ARHGAP10: variants seen among roughly 807,000 people sequenced by gnomAD.
The protein encoded by ARHGAP10 is rho GTPase-activating protein 10.
ARHGAP10 carries 87 observed loss-of-function variants against 108.6 expected under a neutral mutation model. The observed-to-expected ratio is 0.80, with a 90% CI of 0.67 to 0.96. The LOEUF (loss-of-function observed/expected upper bound fraction) is 0.96. ARHGAP10 is among the 40% of genes least tolerant of loss of function. ARHGAP10 has a pLI of 0.00. For synonymous variants in ARHGAP10, 347 were observed against 341.1 expected (o/e 1.02, Z -0.19); for missense variants, 939 against 954.5 (o/e 0.98, Z 0.21).
intron 1 of ARHGAP10, among the ~76,000 whole-genome samples, chr4:147,819,725 C>T (rs1339786245): frequency 6.6e-6 from 1 of 151,752 alleles, no homozygotes; most frequent in Non-Finnish European, 1.5e-5. Context: ...CGCCTGGCTA[C>T]TTTTTGTATT....
chr4:147,996,703 C>T (rs1740491234), intron 18 of ARHGAP10, among the ~76,000 whole-genome samples: 1 of 152,188 alleles, frequency 6.6e-6, no homozygotes, highest in Non-Finnish European at 1.5e-5. Context: ...TCCCAAAATT[C>T]ATATGTTGAA....
chr4:147,834,522 A>G (rs1014924319), intron 3 of ARHGAP10, among the ~76,000 whole-genome samples: 110 of 152,230 alleles, frequency 7.2e-4, no homozygotes, highest in African/African-American at 2.6e-3. Flanking sequence ...GGATGAATCC[A>G]TTCATCTTTT....
At chr4:147,762,526 T>TTA (rs1729633042) in intron 1 of ARHGAP10, among the ~76,000 whole-genome samples, 4 of 108,946 alleles carry the variant, frequency 3.7e-5, no homozygotes, top group African/African-American at 1.3e-4. Flanking sequence ...TTATTTTTAT[T>TTA]TATTTATTTA....
At chr4:147,763,397 C>T (rs369399650) in intron 1 of ARHGAP10, among the ~76,000 whole-genome samples, 9 of 151,540 alleles carry the variant, frequency 5.9e-5, no homozygotes, top group Admixed American at 1.3e-4. Context: ...CTGCAACCTC[C>T]GCCTCCTGGG....
chr4:147,736,120 C>CTGTCTGTGTGTGTG (rs1553944269), intron 1 of ARHGAP10, among the ~76,000 whole-genome samples: 6 of 144,634 alleles, frequency 4.1e-5, no homozygotes, highest in African/African-American at 1.5e-4. Flanking sequence ...AATTGTCTAG[C>CTGTCTGTGTGTGTG]TGTGTGTGTG....
intron 3 of ARHGAP10, among the ~76,000 whole-genome samples, chr4:147,844,152 A>G (rs1733536763): frequency 6.6e-6 from 1 of 152,126 alleles, no homozygotes; most frequent in South Asian, 2.1e-4. Flanking sequence ...TCCCTGTTGC[A>G]GTAAATAGTG....
intron 16 of ARHGAP10, among the ~76,000 whole-genome samples, chr4:147,957,669 T>A (rs189293574): frequency 4.9e-4 from 75 of 152,226 alleles, no homozygotes; most frequent in Non-Finnish European, 9.7e-4. Context: ...TCTGTGGTGA[T>A]GAGATAGTTT....
chr4:147,770,120 A>G (rs1213233067), intron 1 of ARHGAP10, among the ~76,000 whole-genome samples: 1 of 152,342 alleles, frequency 6.6e-6, no homozygotes, highest in African/African-American at 2.4e-5. Context: ...GACTTAGACC[A>G]GGTGACACAT....
chr4:147,908,229 A>G (rs977754002), intron 11 of ARHGAP10, among the ~76,000 whole-genome samples: 7 of 152,218 alleles, frequency 4.6e-5, no homozygotes, highest in Non-Finnish European at 7.3e-5. Flanking sequence ...CTGAGACTCC[A>G]AAACAGGTTA....
chr4:147,834,690 T>C (rs1303785924), intron 3 of ARHGAP10, among the ~76,000 whole-genome samples: 2 of 150,336 alleles, frequency 1.3e-5, no homozygotes, highest in Admixed American at 1.3e-4. Context: ...CCACCCACAC[T>C]CACACCCACA....
chr4:147,934,756 C>T (rs1275421603), intron 13 of ARHGAP10, among the ~76,000 whole-genome samples: 7 of 152,152 alleles, frequency 4.6e-5, no homozygotes, highest in East Asian at 3.9e-4. Context: ...ATGGCTTGAT[C>T]CAAGGAGGTC....
intron 7 of ARHGAP10, among the ~76,000 whole-genome samples, chr4:147,868,728 G>A (rs1734673413): frequency 6.6e-6 from 1 of 152,148 alleles, no homozygotes. Flanking sequence ...TTCCACCTCA[G>A]GTCATCAGGC....
chr4:147,907,570 G>C (rs1331526082), intron 11 of ARHGAP10, among the ~76,000 whole-genome samples: 1 of 152,214 alleles, frequency 6.6e-6, no homozygotes, highest in Non-Finnish European at 1.5e-5. Context: ...TTTCAGAATA[G>C]AGCTTATGAA....
intron 13 of ARHGAP10, among the ~76,000 whole-genome samples, chr4:147,919,567 ATTT>A (rs67509221): frequency 4.0e-5 from 6 of 150,106 alleles, no homozygotes; most frequent in African/African-American, 1.5e-4. Context: ...TTTAAAAACA[ATTT>A]TTTTTTCTTT....
At chr4:147,816,834 C>T (rs904520549) in intron 1 of ARHGAP10, among the ~76,000 whole-genome samples, 3 of 152,078 alleles carry the variant, frequency 2.0e-5, no homozygotes, top group Admixed American at 1.3e-4. Context: ...ATTTCACTTC[C>T]AAGTTACTTG....
intron 1 of ARHGAP10, among the ~76,000 whole-genome samples, chr4:147,762,783 G>A (rs1362044826): frequency 6.6e-6 from 1 of 151,948 alleles, no homozygotes; most frequent in African/African-American, 2.4e-5. Flanking sequence ...ACCTGCCTCA[G>A]CCTCCCAAAG....
intron 1 of ARHGAP10, among the ~76,000 whole-genome samples, chr4:147,812,627 A>T (rs568792756): frequency 5.9e-5 from 9 of 152,252 alleles, no homozygotes; most frequent in Non-Finnish European, 1.0e-4. Context: ...ATATTTCAAC[A>T]TAGTCAAGAT....
rs542711322 is a variant in ARHGAP10, at chr4:147,741,295, A to G, written c.154+8840A>G. On this transcript the variant is annotated intron_variant, in intron 1 of 22. Coordinates refer to ENST00000336498, the MANE Select transcript of ARHGAP10 (RefSeq NM_024605.4). ...AGTAATTAATAAATCCATGAATCTT[A>G]AAGACATTTAACCCATTTTCTTTTT... Among the ~76,000 whole-genome samples, 36 of 152,366 alleles carry G rather than the reference A, an allele frequency of 2.4e-4. No individual in the cohort carries two copies. In the South Asian group the frequency reaches 2.5e-3, roughly 11 times the overall value.
chr4:148,001,283 T>C (rs1740708696), intron 18 of ARHGAP10, among the ~76,000 whole-genome samples: 1 of 152,234 alleles, frequency 6.6e-6, no homozygotes, highest in Non-Finnish European at 1.5e-5. Flanking sequence ...ATCTCTGTTT[T>C]GGTACCAGTA....
Sources: gnomAD v4.1 joint callset for allele counts (sites outside exome capture counted in the v4.1 genomes callset) on GRCh38, gnomAD v4.1.1 for gene constraint, MANE v1.5 for transcripts, NCBI Gene and HGNC (gene_info 2026-07-23, HGNC 2026-07-21) for gene names.